The following URB2 variants were observed in gnomAD, a reference collection of about 807,000 sequenced individuals.
URB2 encodes URB2 ribosome biogenesis homolog, also known as unhealthy ribosome biogenesis protein 2 homolog.
Under a neutral mutation model 120.9 loss-of-function variants are expected in URB2, and 86 were observed. The ratio of observed to expected loss-of-function variants is 0.71; its 90% CI spans 0.60 to 0.85. The LOEUF (loss-of-function observed/expected upper bound fraction) is 0.85, where lower values mean the gene tolerates loss of function less well. Among genes scored for constraint, URB2 ranks in the 40% least tolerant of loss-of-function variants. The probability of loss-of-function intolerance (pLI) is 0.00; values close to 1 mark genes in which losing one functional copy is unlikely to be tolerated. For missense variants in URB2, 1,765 were observed against 1,836.5 expected, an observed-to-expected ratio of 0.96 and a Z score of 0.71; for synonymous variants, 755 against 758.4, an observed-to-expected ratio of 1.00 and a Z score of 0.07.
rs765321661 is a variant in URB2, at chr1:229,647,541, C to G, written c.3938C>G (p.Pro1313Arg). The G allele has an allele frequency of 1.9e-6, 3 of 1,614,060 alleles. No individual in the cohort carries two copies. The highest frequency in any genetic ancestry group is 2.5e-6 in the Non-Finnish European group (3 of 1,180,026). Reference protein sequence around the residue: ...LLNREASQEQPVSLTVVGPVL... With the variant: ...LLNREASQEQRVSLTVVGPVL... ...AACCGAGAAGCTTCTCAGGAGCAGC[C>G]TGTGTCCCTCACAGTGGTCGGGCCT... The change falls in exon 7 of 10, where the codon CCT becomes CGT. Residue 1313 changes from proline to arginine, a missense_variant. Coordinates refer to ENST00000258243, the MANE Select transcript of URB2 (RefSeq NM_014777.4).
chr1:229,643,455 C>T (rs558464331), intron 4 of URB2, 78 bp from the exon 5 acceptor site: 57 of 1,543,622 alleles, frequency 3.7e-5, no homozygotes, highest in African/African-American at 1.5e-4. Flanking sequence ...CACAGCTGTG[C>T]GCAGTTTCAT....
chr1:229,635,543 C>CT lies in URB2; in HGVS notation c.933dup (p.Leu312SerfsTer6). ...ACTCAGTGGCCTTGCTGTATAAGCT[C>CT]TTTCTAGATTCTTACTTTAAGGAGG... On this transcript the variant is annotated frameshift_variant, in exon 4 of 10. Coordinates refer to ENST00000258243, the MANE Select transcript of URB2 (RefSeq NM_014777.4). LOFTEE classifies it high-confidence loss of function. 6.2e-7 allele frequency: 1 copy of CT among 1,614,120 alleles called. No homozygotes were observed. The highest frequency in any genetic ancestry group is 8.5e-7 in the Non-Finnish European group (1 of 1,180,022).
intron 5 of URB2, among the ~76,000 whole-genome samples, chr1:229,644,035 C>T (rs1349298630): frequency 6.6e-6 from 1 of 152,258 alleles, no homozygotes; most frequent in South Asian, 2.1e-4. Flanking sequence ...CTTCTTGAAA[C>T]ATGTGGCCTG....
At position 229,659,567 on chromosome 1, in the gene URB2, A is replaced by T; in HGVS notation, c.*270A>T. 3.2e-6 allele frequency: 1 copy of T among 309,220 alleles called. No homozygotes were observed. The allele number at this position is 309,220 out of a possible 1,614,324, so 19.2% of individuals were successfully genotyped here. ...GATTAATTCAATAGAAAAATTGCTG[A>T]CTCTTGGGACCTTTCTGTGTTTGGT... On this transcript the variant is annotated 3_prime_UTR_variant, in exon 10 of 10. Transcript: ENST00000258243.
Position 229,637,856 on chromosome 1 carries a change from A to G in URB2, c.3243A>G (p.Pro1081=). The G allele has an allele frequency of 1.2e-6, 2 of 1,604,046 alleles. No individual in the cohort carries two copies. Among genetic ancestry groups the G allele is most frequent in the Admixed American group, 1.7e-5 (1 of 58,088 alleles). The change falls in exon 4 of 10, where the codon CCA becomes CCG. Residue 1081 remains proline, a synonymous_variant. Coordinates refer to ENST00000258243, the MANE Select transcript of URB2 (RefSeq NM_014777.4). The stretch of plus-strand genomic sequence containing the variant: ...AGCAGAAGCTGGGCCAAGAGGCCCC[A>G]GCAGCACTGTCTGAGCTGCTGCAGC... ...LKEQKLGQEA[P]AALSELLQQV...
At chr1:229,631,101 G>A (rs910781199) in intron 2 of URB2, among the ~76,000 whole-genome samples, 3 of 151,370 alleles carry the variant, frequency 2.0e-5, no homozygotes, top group African/African-American at 4.9e-5. Flanking sequence ...ATTTTAGCTC[G>A]ACCTTCTACA....
chr1:229,657,381 G>GT (rs1053518984), intron 9 of URB2, among the ~76,000 whole-genome samples: 10 of 152,204 alleles, frequency 6.6e-5, no homozygotes, highest in Non-Finnish European at 1.5e-4. Flanking sequence ...GAGAAACTGT[G>GT]TAAGTAGTTC....
At position 229,636,377 on chromosome 1, in the gene URB2, G is replaced by A. The variant is rs1384009382; in HGVS notation, c.1764G>A (p.Pro588=). The stretch of plus-strand genomic sequence containing the variant: ...TGCAGCCCCTGCTGGCCCTTCTCCC[G>A]GACACCCCAGGCCCAGAGCCAGAGC... ...ELVQPLLALL[P]DTPGPEPELW... Residue 588 remains proline, a synonymous_variant, in exon 4 of 10, where the codon CCG becomes CCA. Coordinates refer to ENST00000258243, the MANE Select transcript of URB2 (RefSeq NM_014777.4). 5 of 1,614,174 alleles carry A rather than the reference G, an allele frequency of 3.1e-6. No homozygotes were observed. The highest frequency in any genetic ancestry group is 1.7e-4 in the Middle Eastern group (1 of 6,060).
At chr1:229,654,524 G>A (rs1666360701) in intron 9 of URB2, 136 bp downstream of exon 9, 1 of 1,292,272 alleles carries the variant, frequency 7.7e-7, no homozygotes, top group African/African-American at 1.5e-5. Flanking sequence ...ACAGGGTTTT[G>A]CTCTCTCACT....
At chr1:229,640,057 A>T (rs951677642) in intron 4 of URB2, among the ~76,000 whole-genome samples, 4 of 152,268 alleles carry the variant, frequency 2.6e-5, no homozygotes, top group African/African-American at 9.6e-5. Flanking sequence ...ATGCGTGCAG[A>T]CAAAGGCTAG....
chr1:229,649,697 G>A (rs1666224709), intron 7 of URB2, among the ~76,000 whole-genome samples: 2 of 152,122 alleles, frequency 1.3e-5, no homozygotes, highest in Non-Finnish European at 2.9e-5. Context: ...AATCCTCTTA[G>A]GTGCATCTAA....
At chr1:229,639,052 C>T (rs951617092) in intron 4 of URB2, among the ~76,000 whole-genome samples, 6 of 152,264 alleles carry the variant, frequency 3.9e-5, no homozygotes, top group African/African-American at 7.2e-5. Flanking sequence ...TGGCAGCTCA[C>T]GCCAGTAATC....
chr1:229,632,199 C>T, intron 2 of URB2, 70 bp from the exon 3 acceptor site: 2 of 1,360,130 alleles, frequency 1.5e-6, no homozygotes, highest in African/African-American at 1.5e-5. Context: ...CCTGTAATGT[C>T]CCTATAATGT....
rs748000802 is a variant in URB2 at position 229,647,629 on chromosome 1, C to G, written c.4026C>G (p.His1342Gln). 2 of 1,614,068 alleles carry G rather than the reference C, an allele frequency of 1.2e-6. No individual in the cohort carries two copies. The highest frequency in any genetic ancestry group is 8.5e-7 in the Non-Finnish European group (1 of 1,180,040). The change falls in exon 7 of 10, where the codon CAC (histidine) becomes CAG (glutamine). Residue 1342 changes from histidine to glutamine, a missense_variant. By Grantham distance (24) the His-to-Gln change is conservative (BLOSUM62 0). Coordinates refer to ENST00000258243, the MANE Select transcript of URB2 (RefSeq NM_014777.4). ...QGEEAIGNPH[H>Q]VSLAFSILLT... ...AGGAGGCCATCGGCAACCCCCACCACGTCAGCCTGGCCTTCAGCATCCTTC... is the reference window on the plus strand; with the variant it reads ...AGGAGGCCATCGGCAACCCCCACCAGGTCAGCCTGGCCTTCAGCATCCTTC...
chr1:229,643,499 A>G (rs1402098940), intron 4 of URB2, 34 bp from the exon 5 acceptor site: 1 of 1,613,050 alleles, frequency 6.2e-7, no homozygotes, highest in Non-Finnish European at 8.5e-7. Context: ...TTCACCTGTC[A>G]CATCTTAACA....
chr1:229,643,032 A>G (rs896577951), intron 4 of URB2, among the ~76,000 whole-genome samples: 2 of 152,262 alleles, frequency 1.3e-5, no homozygotes, highest in Non-Finnish European at 2.9e-5. Flanking sequence ...AGATGTTATT[A>G]AGAAAATAAC....
At position 229,627,887 on chromosome 1, in the gene URB2, G is replaced by A. The variant is rs1665552058; in HGVS notation, c.126+128G>A. 26 of 1,171,940 alleles carry A rather than the reference G, an allele frequency of 2.2e-5. No homozygotes were observed. In the South Asian group the frequency reaches 4.9e-4, roughly 22 times the overall value. 72.6% of individuals were successfully genotyped at this position (1,171,940 alleles called of 1,614,324 possible). A position where few individuals can be genotyped will look rare whatever the true frequency, so the allele number is the denominator to read the frequency against. ...AGTTGGGGAGGGAACTTTGTTGGAA[G>A]TTAAATGTAATGTCAATGAAAAAAG... On this transcript the variant is annotated intron_variant, in intron 2 of 9. Transcript: ENST00000258243.
intron 9 of URB2, among the ~76,000 whole-genome samples, chr1:229,656,294 A>G (rs950207664): frequency 2.6e-5 from 4 of 152,266 alleles, no homozygotes; most frequent in African/African-American, 9.6e-5. Flanking sequence ...AGAGCCAAGA[A>G]GAGAAGCAGT....
chr1:229,643,871 G>A (rs34055291), intron 5 of URB2, among the ~76,000 whole-genome samples, 178 bp downstream of exon 5: 57,917 of 152,164 alleles, frequency 0.38, 11,715 homozygotes, highest in South Asian at 0.48. Flanking sequence ...CCCAGGCTGC[G>A]GCATAGGGAG....
Sources: gnomAD v4.1 joint callset for allele counts (sites outside exome capture counted in the v4.1 genomes callset) on GRCh38, gnomAD v4.1.1 for gene constraint, MANE v1.5 for transcripts, NCBI Gene and HGNC (gene_info 2026-07-23, HGNC 2026-07-21) for gene names.